The following NUDCD3 variants were observed in gnomAD, a reference collection of about 807,000 sequenced individuals.
NUDCD3 encodes the protein nudC domain-containing protein 3.
NUDCD3 carries 13 observed loss-of-function variants against 39.7 expected under a neutral mutation model. The observed-to-expected ratio is 0.33, with a 90% CI of 0.21 to 0.52. NUDCD3 has a LOEUF of 0.52. Ranked by LOEUF, NUDCD3 falls within the 20% of genes least tolerant of loss-of-function variation. NUDCD3 has a pLI of 0.96. For missense variants in NUDCD3, 453 were observed against 458.1 expected, an observed-to-expected ratio of 0.99 and a Z score of 0.10; for synonymous variants, 175 against 172.4, an observed-to-expected ratio of 1.02 and a Z score of -0.12.
At chr7:44,474,926 A>G (rs1800332209) in intron 2 of NUDCD3, among the ~76,000 whole-genome samples, 2 of 152,138 alleles carry the variant, frequency 1.3e-5, no homozygotes, top group Admixed American at 1.3e-4. Flanking sequence ...AGGTGGCCTA[A>G]GGCTCAATCC....
At chr7:44,437,069 CTTTTTTT>C (rs35904938) in intron 2 of NUDCD3, among the ~76,000 whole-genome samples, 1 of 117,292 alleles carries the variant, frequency 8.5e-6, no homozygotes, top group African/African-American at 3.2e-5. Flanking sequence ...CTTTTCTTTT[CTTTTTTT>C]TTTTTTTTTT....
chr7:44,459,879 C>T (rs1276940542), intron 2 of NUDCD3, among the ~76,000 whole-genome samples: 5 of 152,178 alleles, frequency 3.3e-5, no homozygotes, highest in African/African-American at 1.2e-4. Flanking sequence ...GAGAACAAAA[C>T]TGATCATACT....
chr7:44,386,140 G>C lies in NUDCD3; in HGVS notation c.976-19C>G. On this transcript the variant is annotated intron_variant, in intron 5 of 5. Coordinates refer to ENST00000355451, the MANE Select transcript of NUDCD3 (RefSeq NM_015332.4). ...GGACTTTCTACAAACAGAAAATAGA[G>C]AGATTAAAGGGGATCACAACGCACT... The C allele has an allele frequency of 6.2e-7, 1 of 1,613,694 alleles. No individual in the cohort carries two copies. The highest frequency in any genetic ancestry group is 1.1e-5 in the South Asian group (1 of 91,056).
In NUDCD3 at chr7:44,392,450, G is replaced by A. The variant is rs562538702; in HGVS notation, c.822C>T (p.Asn274=). 5.3e-5 allele frequency: 85 copies of A among 1,614,122 alleles called. No homozygotes were observed. In the Middle Eastern group the frequency reaches 6.6e-4, roughly 13 times the overall value. Residue 274 remains asparagine, a synonymous_variant, in exon 5 of 6, where the codon AAC becomes AAT. Transcript: ENST00000355451. ...TGGGCTCTTCTCCCTCCAGGATGGC[G>A]TTCCACCAATACTCGCCCACCTTGC... ...NLSKVGEYWW[N]AILEGEEPID... is the part of the protein sequence containing the mutation.
rs1012603793 is a variant in NUDCD3 at position 44,434,401 on chromosome 7, C to A, written c.510-6698G>T. On this transcript the variant is annotated intron_variant, in intron 2 of 5. Coordinates refer to ENST00000355451, the MANE Select transcript of NUDCD3 (RefSeq NM_015332.4). ...CAGACAAGCACCTCACACTAACCAG[C>A]CTTCCTGCAACTCTTGCCAGATTCG... Among the ~76,000 whole-genome samples the A allele has an allele frequency of 1.2e-4, 19 of 152,312 alleles. 1 individual carries two copies. Among genetic ancestry groups the A allele is most frequent in the Middle Eastern group, 3.4e-3 (1 of 294 alleles).
At chr7:44,407,363 C>T (rs551142745) in intron 3 of NUDCD3, among the ~76,000 whole-genome samples, 143 of 151,344 alleles carry the variant, frequency 9.4e-4, no homozygotes, top group African/African-American at 3.0e-3. Context: ...GTTGACAGTT[C>T]GAGACCAGCC....
rs183417395 is a variant in NUDCD3, at chr7:44,396,948, T to C, written c.787-4463A>G. Among the ~76,000 whole-genome samples the C allele has an allele frequency of 6.7e-3, 1,011 of 151,132 alleles. 10 individuals are homozygous for C. Among genetic ancestry groups the C allele is most frequent in the African/African-American group, 0.023 (954 of 41,526 alleles). On this transcript the variant is annotated intron_variant, in intron 4 of 5. Transcript: ENST00000355451. ...AAGTAGTCTGATGGTTTTACATTTGTTTTTGTTTTTTTCTGTGAATATTTT... is the reference window on the plus strand; with the variant it reads ...AAGTAGTCTGATGGTTTTACATTTGCTTTTGTTTTTTTCTGTGAATATTTT...
intron 2 of NUDCD3, among the ~76,000 whole-genome samples, chr7:44,442,569 GCTCACCTCGCCTCATTCATCTTC>G (rs1799606900): frequency 6.6e-6 from 1 of 152,138 alleles, no homozygotes; most frequent in African/African-American, 2.4e-5. Flanking sequence ...CAAGATGGAG[GCTCACCTCGCCTCATTCATCTTC>G]TGTCTCAGCT....
intron 2 of NUDCD3, among the ~76,000 whole-genome samples, chr7:44,466,436 T>C (rs1423883396): frequency 6.6e-6 from 1 of 152,068 alleles, no homozygotes; most frequent in African/African-American, 2.4e-5. Flanking sequence ...AGTTTTCTGT[T>C]TTTCTTACTT....
intron 2 of NUDCD3, chr7:44,484,742 G>A: frequency 4.1e-6 from 2 of 484,524 alleles, no homozygotes; most frequent in Non-Finnish European, 7.3e-6. Context: ...ATCTCAAATG[G>A]TTGTATGACT....
intron 1 of NUDCD3, chr7:44,490,063 G>A (rs73107423): frequency 0.13 from 27,850 of 206,750 alleles, 2,446 homozygotes; most frequent in Non-Finnish European, 0.19. Flanking sequence ...GGGCATGCAC[G>A]TTTCTGTTGC....
intron 2 of NUDCD3, chr7:44,471,854 A>G (rs1197717262): frequency 6.6e-6 from 1 of 152,264 alleles, no homozygotes; most frequent in African/African-American, 2.4e-5. Flanking sequence ...GGGTTACTGC[A>G]CCGGTCACAA....
rs1358740367 is a variant in NUDCD3, at chr7:44,380,736, CCA to C, written c.*5273_*5274del. 1.3e-5 allele frequency: 2 copies of C among 152,256 alleles called. No homozygotes were observed. The highest frequency in any genetic ancestry group is 2.4e-5 in the African/African-American group (1 of 41,454). 9.4% of individuals were successfully genotyped at this position (152,256 alleles called of 1,614,324 possible). A position where few individuals can be genotyped will look rare whatever the true frequency, so the allele number is the denominator to read the frequency against. ...TGGGGTCACAAGATGGCCTTGATCCCCAGTTATCTGGATCCCCAGTTCCCTGA... is the reference window on the plus strand; with the variant it reads ...TGGGGTCACAAGATGGCCTTGATCCCGTTATCTGGATCCCCAGTTCCCTGA... On this transcript the variant is annotated 3_prime_UTR_variant, in exon 6 of 6. Coordinates refer to ENST00000355451, the MANE Select transcript of NUDCD3 (RefSeq NM_015332.4).
chr7:44,385,723 G>A lies in NUDCD3; in HGVS notation c.*288C>T. 1 of 413,216 alleles carries A rather than the reference G, an allele frequency of 2.4e-6. No homozygotes were observed. Among genetic ancestry groups the A allele is most frequent in the South Asian group, 4.2e-5 (1 of 23,622 alleles). 25.6% of individuals were successfully genotyped at this position (413,216 alleles called of 1,614,324 possible). On this transcript the variant is annotated 3_prime_UTR_variant, in exon 6 of 6. Coordinates refer to ENST00000355451, the MANE Select transcript of NUDCD3 (RefSeq NM_015332.4). Reference sequence around the variant, plus strand: ...GCTGCCTGCAGTGGCTGGTTGCTGTGGAGACAAAAGCATGTGATCCCAATT... The same window carrying A: ...GCTGCCTGCAGTGGCTGGTTGCTGTAGAGACAAAAGCATGTGATCCCAATT...
At chr7:44,404,783 A>C (rs1407986298) in intron 3 of NUDCD3, among the ~76,000 whole-genome samples, 200 bp from the exon 4 acceptor site, 1 of 148,282 alleles carries the variant, frequency 6.7e-6, no homozygotes, top group Non-Finnish European at 1.5e-5. Context: ...CTCATTTAGT[A>C]AATCCACCAG....
intron 2 of NUDCD3, among the ~76,000 whole-genome samples, chr7:44,480,993 ATGGAT>A (rs1487246342): frequency 3.3e-5 from 5 of 151,346 alleles, no homozygotes; most frequent in African/African-American, 1.2e-4. Flanking sequence ...AAAAAAAAAA[ATGGAT>A]TGTTTTGTCT....
At chr7:44,435,858 C>A (rs1799454138) in intron 2 of NUDCD3, among the ~76,000 whole-genome samples, 1 of 152,152 alleles carries the variant, frequency 6.6e-6, no homozygotes, top group African/African-American at 2.4e-5. Flanking sequence ...GACCTCGAAT[C>A]CATTCCAACC....
intron 2 of NUDCD3, among the ~76,000 whole-genome samples, chr7:44,449,427 G>A (rs1440450570): frequency 6.6e-6 from 1 of 152,176 alleles, no homozygotes; most frequent in East Asian, 1.9e-4. Context: ...AAATCAAACT[G>A]CTGATGTCAG....
chr7:44,403,701 T>C (rs1798764467), intron 4 of NUDCD3, among the ~76,000 whole-genome samples: 1 of 152,230 alleles, frequency 6.6e-6, no homozygotes, highest in Non-Finnish European at 1.5e-5. Flanking sequence ...TATTGCATAC[T>C]TTGCACATAT....
Sources: allele counts gnomAD v4.1 joint callset (sites outside exome capture counted in the v4.1 genomes callset), GRCh38; gene constraint gnomAD v4.1.1; transcripts MANE v1.5; gene names NCBI Gene and HGNC (gene_info 2026-07-23, HGNC 2026-07-21).